The following ACOX3 variants were observed in gnomAD, a reference collection of about 807,000 sequenced individuals.
ACOX3 encodes peroxisomal acyl-coenzyme A oxidase 3.
In ACOX3, 73 loss-of-function variants were observed where a neutral mutation model predicts 81.5. The ratio of observed to expected loss-of-function variants is 0.90; its 90% CI spans 0.74 to 1.09. The LOEUF is 1.09. Ranked by LOEUF, ACOX3 falls within the 50% of genes least tolerant of loss-of-function variation. The pLI is 0.00. For synonymous variants in ACOX3, 387 were observed against 375.1 expected (o/e 1.03, Z -0.37); for missense variants, 947 against 928.0 (o/e 1.02, Z -0.27).
Position 8,397,091 on chromosome 4 carries a change from A to G in ACOX3, c.902T>C (p.Leu301Pro). Residue 301 changes from leucine to proline, a missense_variant, in exon 9 of 18, where the codon CTG (leucine) becomes CCG (proline). Transcript: ENST00000356406. The part of the protein sequence containing the change: ...KDVRQRFGAS[L>P]GSLSSGRVSI... ...GACCCGGCCCGAGGACAGGCTCCCC[A>G]GGGACGCTCCAAAGCGCTGCCTGAC... 1 of 1,583,644 alleles carries G rather than the reference A, an allele frequency of 6.3e-7. No individual in the cohort carries two copies. The highest frequency in any genetic ancestry group is 8.6e-7 in the Non-Finnish European group (1 of 1,167,524).
intron 1 of ACOX3, among the ~76,000 whole-genome samples, chr4:8,417,251 T>G (rs1722439122): frequency 6.6e-6 from 1 of 152,232 alleles, no homozygotes. Context: ...GTCCTGGGCG[T>G]GGGCCGCCCA....
rs3068615 is a variant in ACOX3 at position 8,400,250 on chromosome 4, CAATAATAAT to C, written c.777-607_777-599del. ...TTGGTGACAGAGCAAGACTCCACCT[CAATAATAAT>C]AATAATAATAATAATAATAATAATA... On this transcript the variant is annotated intron_variant, in intron 7 of 17. Coordinates refer to ENST00000356406, the MANE Select transcript of ACOX3 (RefSeq NM_003501.3). This position sits in a 1 kb window ranked among gnomAD's most constrained non-coding sequence, Gnocchi z 4.4. Among the ~76,000 whole-genome samples the C allele has an allele frequency of 1.0e-3, 149 of 146,244 alleles. No homozygotes were observed. Among genetic ancestry groups the C allele is most frequent in the Non-Finnish European group, 1.6e-3 (108 of 66,972 alleles).
Position 8,416,088 on chromosome 4 carries a change from C to G in ACOX3, c.145-89G>C. On this transcript the variant is annotated intron_variant, in intron 2 of 17. Coordinates refer to ENST00000356406, the MANE Select transcript of ACOX3 (RefSeq NM_003501.3). The surrounding 1 kb of genome is among the most constrained non-coding windows in gnomAD (Gnocchi z 4.2). ...ATATAGTTGACCTCCAGGCCACAGG[C>G]TTCATGGGACACAGTCTGACCCGGA... 2 of 1,308,914 alleles carry G rather than the reference C, an allele frequency of 1.5e-6. No homozygotes were observed. Among genetic ancestry groups the G allele is most frequent in the Admixed American group, 3.7e-5 (2 of 53,522 alleles). 81.1% of individuals were successfully genotyped at this position (1,308,914 alleles called of 1,614,324 possible).
At chr4:8,379,601 T>C (rs1344963278) in intron 14 of ACOX3, among the ~76,000 whole-genome samples, 1 of 151,930 alleles carries the variant, frequency 6.6e-6, no homozygotes, top group Non-Finnish European at 1.5e-5. Flanking sequence ...AGCCACACAC[T>C]CGGGGTGTTG....
At chr4:8,404,957 T>C (rs1269796333) in intron 7 of ACOX3, among the ~76,000 whole-genome samples, 1 of 151,954 alleles carries the variant, frequency 6.6e-6, no homozygotes, top group African/African-American at 2.4e-5. Flanking sequence ...GAGTCCAGCA[T>C]TCGCAGTGAG....
chr4:8,433,137 C>T (rs530297066), intron 1 of ACOX3, among the ~76,000 whole-genome samples: 3 of 152,212 alleles, frequency 2.0e-5, no homozygotes, highest in Non-Finnish European at 2.9e-5. Context: ...CTCCCTGGAC[C>T]CAGCAGCCTC....
chr4:8,364,418 C>A (rs1715304675), downstream of ACOX3, among the ~76,000 whole-genome samples: 2 of 152,226 alleles, frequency 1.3e-5, no homozygotes, highest in African/African-American at 4.8e-5. This position sits in a 1 kb window ranked among gnomAD's most constrained non-coding sequence, Gnocchi z 5.0. Flanking sequence ...AGGACCTTTC[C>A]AACAGGTGGA....
intron 14 of ACOX3, among the ~76,000 whole-genome samples, chr4:8,376,937 C>T (rs1305148989): frequency 6.6e-6 from 1 of 152,100 alleles, no homozygotes; most frequent in African/African-American, 2.4e-5. Context: ...CCTGAGGCCT[C>T]TGGCAGGAGG....
At chr4:8,417,419 C>T (rs538036703) in intron 1 of ACOX3, among the ~76,000 whole-genome samples, 20 of 152,298 alleles carry the variant, frequency 1.3e-4, no homozygotes, top group Admixed American at 3.9e-4. Context: ...TGGTGGGCGG[C>T]GGCAGGAATC....
chr4:8,365,795 C>T (rs1560160369), downstream of ACOX3, among the ~76,000 whole-genome samples: 1 of 152,088 alleles, frequency 6.6e-6, no homozygotes, highest in African/African-American at 2.4e-5. Flanking sequence ...AAAATGGCTT[C>T]AGAAGTGATT....
rs780165236 is a variant in ACOX3 at position 8,381,605 on chromosome 4, C to T, written c.1540G>A (p.Ala514Thr). The T allele has an allele frequency of 3.5e-5, 57 of 1,610,066 alleles. No individual in the cohort carries two copies. Among genetic ancestry groups the T allele is most frequent in the South Asian group, 5.5e-5 (5 of 90,746 alleles). Reference sequence around the variant, plus strand: ...ACCAGCCACTTGTATGCTGCCAGGGCGACTTCGGAATGACAAACAGAAGGA... The same window carrying T: ...ACCAGCCACTTGTATGCTGCCAGGGTGACTTCGGAATGACAAACAGAAGGA... The part of the protein sequence containing the change: ...SVADCLDSAV[A>T]LAAYKWLVCY... The change falls in exon 14 of 18, where the codon GCC (alanine) becomes ACC (threonine). Residue 514 changes from alanine to threonine, a missense_variant and splice_region_variant. Transcript: ENST00000356406. The surrounding 1 kb of genome is among the most constrained non-coding windows in gnomAD (Gnocchi z 4.3).
At chr4:8,402,308 C>T (rs1275201384) in intron 7 of ACOX3, among the ~76,000 whole-genome samples, 7 of 152,110 alleles carry the variant, frequency 4.6e-5, no homozygotes, top group Non-Finnish European at 1.0e-4. Context: ...TGAAGGGCAG[C>T]GGGGGGGCCA....
rs751340446 is a variant in ACOX3, at chr4:8,394,495, C to T, written c.1179+125G>A. 91 of 1,420,532 alleles carry T rather than the reference C, an allele frequency of 6.4e-5. No homozygotes were observed. Among genetic ancestry groups the T allele is most frequent in the Non-Finnish European group, 8.1e-5 (87 of 1,068,412 alleles). 88.0% of individuals were successfully genotyped at this position (1,420,532 alleles called of 1,614,324 possible). A position where few individuals can be genotyped will look rare whatever the true frequency, so the allele number is the denominator to read the frequency against. The stretch of plus-strand genomic sequence containing the variant: ...AAGAGCTCCGAGTGGGTGGGAACAA[C>T]TGGAGGAATGCTCTGTCCTCGCAAA... On this transcript the variant is annotated intron_variant, in intron 10 of 17. Coordinates refer to ENST00000356406, the MANE Select transcript of ACOX3 (RefSeq NM_003501.3). This position sits in a 1 kb window ranked among gnomAD's most constrained non-coding sequence, Gnocchi z 5.9.
rs138306228 is a variant in ACOX3 at position 8,368,271 on chromosome 4, C to G, written c.1984-1191G>C. ...CCTACGGGAGGTGCAGACTTCACTG[C>G]TCTCAGCCTAAGTGGCCTCACTGGG... On this transcript the variant is annotated intron_variant, in intron 17 of 17. Transcript: ENST00000356406. This position sits in a 1 kb window ranked among gnomAD's most constrained non-coding sequence, Gnocchi z 5.9. Among the ~76,000 whole-genome samples the G allele has an allele frequency of 6.6e-6, 1 of 152,380 alleles. No individual in the cohort carries two copies. The highest frequency in any genetic ancestry group is 1.9e-4 in the East Asian group (1 of 5,180).
In ACOX3 at chr4:8,437,090, AATAT is replaced by A. The variant is rs960271004; in HGVS notation, c.-15+3554_-15+3557del. Among the ~76,000 whole-genome samples, 2 of 130,376 alleles carry A rather than the reference AATAT, an allele frequency of 1.5e-5. No individual in the cohort carries two copies. Among genetic ancestry groups the A allele is most frequent in the African/African-American group, 6.0e-5 (2 of 33,266 alleles). The allele number at this position is 130,376 out of a possible 152,430, so 85.5% of individuals were successfully genotyped here. ...AAATATATAGAAATATATACACGTAAATATATATATTTACATATATATGTAAAAA... is the reference window on the plus strand; with the variant it reads ...AAATATATAGAAATATATACACGTAAATATATTTACATATATATGTAAAAA... On this transcript the variant is annotated intron_variant, in intron 1 of 17. Transcript: ENST00000356406. The surrounding 1 kb of genome is among the most constrained non-coding windows in gnomAD (Gnocchi z 5.2).
At chr4:8,438,161 C>A (rs1447183286) in intron 1 of ACOX3, among the ~76,000 whole-genome samples, 1 of 152,126 alleles carries the variant, frequency 6.6e-6, no homozygotes, top group African/African-American at 2.4e-5. Context: ...TAAAGTTTTC[C>A]CCACCAGGAC....
chr4:8,423,163 G>A lies in ACOX3; in HGVS notation c.-14-6628C>T, dbSNP rs577967975. On this transcript the variant is annotated intron_variant, in intron 1 of 17. Transcript: ENST00000356406. The surrounding 1 kb of genome is among the most constrained non-coding windows in gnomAD (Gnocchi z 4.2). Reference sequence around the variant, plus strand: ...TCACTACCCGAGGGGTCCTAGGATAGGCAGTCACTAGATACTTCTCCCAGC... The same window carrying A: ...TCACTACCCGAGGGGTCCTAGGATAAGCAGTCACTAGATACTTCTCCCAGC... Among the ~76,000 whole-genome samples, 6 of 152,300 alleles carry A rather than the reference G, an allele frequency of 3.9e-5. No homozygotes were observed. Among genetic ancestry groups the A allele is most frequent in the Admixed American group, 1.3e-4 (2 of 15,296 alleles).
downstream of ACOX3, among the ~76,000 whole-genome samples, chr4:8,364,402 C>T (rs943464753): frequency 1.3e-4 from 20 of 152,234 alleles, no homozygotes; most frequent in Non-Finnish European, 2.9e-4. The surrounding 1 kb of genome is among the most constrained non-coding windows in gnomAD (Gnocchi z 5.0). Flanking sequence ...CCACAGTTGG[C>T]GAATGAGGAC....
At chr4:8,388,988 C>G (rs1410278067) in intron 13 of ACOX3, among the ~76,000 whole-genome samples, 185 bp downstream of exon 13, 1 of 152,202 alleles carries the variant, frequency 6.6e-6, no homozygotes, top group Admixed American at 6.5e-5. Context: ...CAGCGCCTAA[C>G]TCGGCGTCAG....
Sources: allele counts gnomAD v4.1 joint callset (sites outside exome capture counted in the v4.1 genomes callset), GRCh38; gene constraint gnomAD v4.1.1; non-coding constraint Gnocchi (gnomAD v3.1); transcripts MANE v1.5; gene names NCBI Gene and HGNC (gene_info 2026-07-23, HGNC 2026-07-21).